The following NTRK2 variants were observed in gnomAD, a reference collection of about 807,000 sequenced individuals.
NTRK2 encodes neurotrophic receptor tyrosine kinase 2.
In NTRK2, 13 loss-of-function variants were observed where a neutral mutation model predicts 94.5. The ratio of observed to expected loss-of-function variants is 0.14; its 90% CI spans 0.09 to 0.22. The LOEUF is 0.22. Ranked by LOEUF, NTRK2 falls within the 10% of genes least tolerant of loss-of-function variation. The pLI is 1.00. For missense variants in NTRK2, 639 were observed against 1,071.2 expected (o/e 0.60, Z 5.63); for synonymous variants, 372 against 407.4 (o/e 0.91, Z 1.05).
At chr9:84,709,377 A>T (rs2061294714) in intron 5 of NTRK2, among the ~76,000 whole-genome samples, 1 of 152,226 alleles carries the variant, frequency 6.6e-6, no homozygotes, top group South Asian at 2.1e-4. Context: ...GCATGTACTC[A>T]GAGCTCCAGG....
At chr9:85,015,752 C>T (rs570219397) in intron 17 of NTRK2, among the ~76,000 whole-genome samples, 1 of 152,204 alleles carries the variant, frequency 6.6e-6, no homozygotes, top group African/African-American at 2.4e-5. Context: ...CTTGAGCTTG[C>T]CTTCATAAAG....
chr9:84,821,240 T>C (rs1431221551), intron 12 of NTRK2, among the ~76,000 whole-genome samples: 2 of 152,122 alleles, frequency 1.3e-5, no homozygotes, highest in East Asian at 1.9e-4. Context: ...AATTTTCAAA[T>C]TGGTTGGGCG....
chr9:84,670,918 G>T lies in NTRK2; in HGVS notation c.170G>T (p.Arg57Ile), dbSNP rs758729728. 1.2e-5 allele frequency: 20 copies of T among 1,609,598 alleles called. No homozygotes were observed. In the African/African-American group the frequency reaches 2.1e-4, roughly 17 times the overall value. Residue 57 changes from arginine (R) to isoleucine (I), a missense_variant, in exon 2 of 19, where the codon AGA becomes ATA. Arg to Ile is a moderately conservative substitution (Grantham distance 97, BLOSUM62 -3). This residue lies in a region of NTRK2 where 206 missense variants were observed against 251.5 expected (regional missense o/e 0.82). Transcript: ENST00000277120. ...DPSPGIVAFP[R>I]LEPNSVDPEN... ...TCTCCTGGCATCGTGGCATTTCCGA[G>T]ATTGGAGCCTAACAGTGTAGATCCT...
chr9:84,857,233 G>C (rs1374987693), intron 12 of NTRK2, among the ~76,000 whole-genome samples: 1 of 152,110 alleles, frequency 6.6e-6, no homozygotes, highest in African/African-American at 2.4e-5. Flanking sequence ...TTCAACATGA[G>C]ATGGATTTAA....
intron 14 of NTRK2, among the ~76,000 whole-genome samples, chr9:84,895,820 G>T (rs2076741856): frequency 6.6e-6 from 1 of 152,168 alleles, no homozygotes; most frequent in African/African-American, 2.4e-5. Flanking sequence ...GCATGGAGGG[G>T]GTTTAGGGAA....
In NTRK2 at chr9:84,976,909, G is replaced by A. The variant is rs371293413; in HGVS notation, c.2172+21392G>A. Among the ~76,000 whole-genome samples, 167 of 152,258 alleles carry A rather than the reference G, an allele frequency of 1.1e-3. 1 individual carries two copies. In the South Asian group the frequency reaches 0.014, roughly 13 times the overall value. ...TGATTGAATATTTACTGATTTATTT[G>A]TTTTTACACACTATTCTCTTGCTTC... On this transcript the variant is annotated intron_variant, in intron 17 of 18. Transcript: ENST00000277120.
chr9:84,736,078 T>C lies in NTRK2; in HGVS notation c.1160-5814T>C, dbSNP rs545381231. On this transcript the variant is annotated intron_variant, in intron 9 of 18. Coordinates refer to ENST00000277120, the MANE Select transcript of NTRK2 (RefSeq NM_006180.6). ...GCAAAGTAGATTCTGTTCAGAATCA[T>C]TACCCAAGTGATTTAACCCTTTGGC... 1.3e-4 allele frequency among the ~76,000 whole-genome samples: 20 copies of C among 152,354 alleles called. No individual in the cohort carries two copies. In the East Asian group the frequency reaches 3.5e-3, roughly 26 times the overall value.
At chr9:84,874,833 T>G (rs1007980803) in intron 14 of NTRK2, 16 of 1,058,018 alleles carry the variant, frequency 1.5e-5, no homozygotes, top group Non-Finnish European at 1.8e-5. Context: ...TATGTGAAAC[T>G]TTCATTTTTA....
At chr9:84,767,754 G>A (rs972152006) in intron 12 of NTRK2, among the ~76,000 whole-genome samples, 1 of 152,178 alleles carries the variant, frequency 6.6e-6, no homozygotes, top group African/African-American at 2.4e-5. Context: ...GGTCCTGCAT[G>A]TTGTGAAACA....
At chr9:84,895,427 G>C (rs1167062407) in intron 14 of NTRK2, among the ~76,000 whole-genome samples, 1 of 152,110 alleles carries the variant, frequency 6.6e-6, no homozygotes, top group Non-Finnish European at 1.5e-5. Flanking sequence ...CATCCCGGCA[G>C]CCAGATAATC....
intron 6 of NTRK2, among the ~76,000 whole-genome samples, chr9:84,714,068 T>C (rs2918626): frequency 0.61 from 92,938 of 151,928 alleles, 28,808 homozygotes; most frequent in East Asian, 0.71. Flanking sequence ...GCTGGCCACC[T>C]TTTCCTTAGT....
chr9:84,746,213 A>G (rs2064056340), intron 11 of NTRK2, among the ~76,000 whole-genome samples: 1 of 152,134 alleles, frequency 6.6e-6, no homozygotes, highest in South Asian at 2.1e-4. Flanking sequence ...ATAACACACG[A>G]AAGTTTTGTG....
At chr9:84,995,642 G>C (rs552215598) in intron 17 of NTRK2, among the ~76,000 whole-genome samples, 1 of 152,142 alleles carries the variant, frequency 6.6e-6, no homozygotes, top group Admixed American at 6.5e-5. Context: ...CTGAGAATTG[G>C]ACATCAGAAT....
chr9:84,882,719 T>TGTGTGCGCGCGCGCGCGCGCGCGC (rs761042296), intron 14 of NTRK2, among the ~76,000 whole-genome samples: 1 of 145,742 alleles, frequency 6.9e-6, no homozygotes, highest in Non-Finnish European at 1.5e-5. Flanking sequence ...TGTGTGTGTG[T>TGTGTGCGCGCGCGCGCGCGCGCGC]GCGCGCGCGC....
chr9:84,929,003 C>T (rs979466871), intron 14 of NTRK2, among the ~76,000 whole-genome samples: 6 of 152,136 alleles, frequency 3.9e-5, no homozygotes, highest in African/African-American at 1.2e-4. Flanking sequence ...ATCTATGAAA[C>T]CCCATTATTG....
chr9:84,995,376 G>C (rs959011430), intron 17 of NTRK2, among the ~76,000 whole-genome samples: 1 of 151,894 alleles, frequency 6.6e-6, no homozygotes, highest in Non-Finnish European at 1.5e-5. Flanking sequence ...TTTTTGGTTT[G>C]TTTTTTGTTT....
rs533950458 is a variant in NTRK2, at chr9:84,829,357, TTTTG to T, written c.1397-31663_1397-31660del. The stretch of plus-strand genomic sequence containing the variant: ...TTAAAATGTCTTCAGGTCATATGAA[TTTTG>T]TTTGTTTGTTTGTTTGTTTTTTGTT... On this transcript the variant is annotated intron_variant, in intron 12 of 18. Coordinates refer to ENST00000277120, the MANE Select transcript of NTRK2 (RefSeq NM_006180.6). Among the ~76,000 whole-genome samples, 578 of 152,288 alleles carry T rather than the reference TTTTG, an allele frequency of 3.8e-3. 3 individuals are homozygous for T. Among genetic ancestry groups the T allele is most frequent in the African/African-American group, 0.013 (530 of 41,564 alleles).
chr9:84,829,357 T>TTTTGTTTG (rs533950458), intron 12 of NTRK2, among the ~76,000 whole-genome samples: 2 of 152,170 alleles, frequency 1.3e-5, no homozygotes, highest in African/African-American at 2.4e-5. Context: ...GTCATATGAA[T>TTTTGTTTG]TTTGTTTGTT....
At chr9:85,006,935 G>A (rs553201704) in intron 17 of NTRK2, among the ~76,000 whole-genome samples, 5 of 152,252 alleles carry the variant, frequency 3.3e-5, no homozygotes, top group South Asian at 4.2e-4. Flanking sequence ...TGCCTTTTTG[G>A]TTTTAGCTGC....
Sources: allele counts gnomAD v4.1 joint callset (sites outside exome capture counted in the v4.1 genomes callset), GRCh38; gene constraint gnomAD v4.1.1; regional missense constraint gnomAD v4.1.1; transcripts MANE v1.5; gene names NCBI Gene and HGNC (gene_info 2026-07-23, HGNC 2026-07-21).